Variants in CACNG5 observed in about 807,000 individuals in gnomAD.
CACNG5 encodes the protein calcium voltage-gated channel auxiliary subunit gamma 5.
Under a neutral mutation model 24.8 loss-of-function variants are expected in CACNG5, and 18 were observed. The ratio of observed to expected loss-of-function variants is 0.73; its 90% CI spans 0.50 to 1.08. CACNG5 has a LOEUF of 1.08. CACNG5 is among the 50% of genes least tolerant of loss of function. The pLI is 0.00. For missense variants in CACNG5, 349 were observed against 367.9 expected, an observed-to-expected ratio of 0.95 and a Z score of 0.42; for synonymous variants, 157 against 149.1, an observed-to-expected ratio of 1.05 and a Z score of -0.39.
At chr17:66,872,005 G>A (rs531647261) in intron 1 of CACNG5, among the ~76,000 whole-genome samples, 2 of 152,318 alleles carry the variant, frequency 1.3e-5, no homozygotes, top group South Asian at 4.1e-4. Flanking sequence ...GAGAGTGATT[G>A]GAGAATAGAT....
intron 1 of CACNG5, among the ~76,000 whole-genome samples, chr17:66,867,336 A>G (rs1976943640): frequency 6.6e-6 from 1 of 151,904 alleles, no homozygotes; most frequent in Admixed American, 6.6e-5. Context: ...TTTCTTGTAA[A>G]TTTGTTTAAG....
chr17:66,878,916 C>A (rs1054121464), intron 2 of CACNG5, 56 bp from the exon 3 acceptor site: 8 of 1,396,538 alleles, frequency 5.7e-6, no homozygotes, highest in African/African-American at 4.3e-5. Flanking sequence ...TTTGTATGGA[C>A]CAACTTCAAA....
intron 1 of CACNG5, among the ~76,000 whole-genome samples, chr17:66,847,397 G>A (rs1291037332): frequency 3.3e-5 from 5 of 152,198 alleles, no homozygotes; most frequent in Admixed American, 2.6e-4. Context: ...TAGCTGGGGA[G>A]CCCTCACAAT....
Position 66,840,690 on chromosome 17 carries a change from C to A in CACNG5, c.-104+5440C>A, listed in dbSNP as rs1432929157. Among the ~76,000 whole-genome samples, 16 of 152,322 alleles carry A rather than the reference C, an allele frequency of 1.1e-4. No individual in the cohort carries two copies. The East Asian group carries it at 2.9e-3, about 28-fold the overall frequency. ...AAGCAGCTGCTGGTATCCACAGACA[C>A]CTCCCCAATAACTCTCACTGTCAAA... On this transcript the variant is annotated intron_variant, in intron 1 of 5. Coordinates refer to ENST00000533854, the MANE Select transcript of CACNG5 (RefSeq NM_145811.3).
chr17:66,869,866 G>C (rs1442779416), intron 1 of CACNG5, among the ~76,000 whole-genome samples: 1 of 152,034 alleles, frequency 6.6e-6, no homozygotes, highest in Non-Finnish European at 1.5e-5. Flanking sequence ...GGTGGATCAC[G>C]AGGTCAAGAG....
rs1397033228 is a variant in CACNG5 at position 66,878,951 on chromosome 17, ATG to A, written c.197-18_197-17del. The A allele has an allele frequency of 6.3e-7, 1 of 1,592,192 alleles. No individual in the cohort carries two copies. Among genetic ancestry groups the A allele is most frequent in the East Asian group, 2.2e-5 (1 of 44,654 alleles). ...ATCCATGTTCAAGAGGGACCTGGAAATGTGATTCTTGTCTCCACAGGTGAGGA... is the reference window on the plus strand; with the variant it reads ...ATCCATGTTCAAGAGGGACCTGGAAATGATTCTTGTCTCCACAGGTGAGGA... On this transcript the variant is annotated intron_variant, in intron 2 of 5. Transcript: ENST00000533854.
chr17:66,879,119 G>A (rs781760573), intron 3 of CACNG5, 61 bp downstream of exon 3: 124 of 1,240,158 alleles, frequency 1.0e-4, no homozygotes, highest in Non-Finnish European at 1.4e-4. Flanking sequence ...CAAGGCAGAG[G>A]GAAGAGTCAG....
Position 66,877,340 on chromosome 17 carries a change from C to G in CACNG5, c.8C>G (p.Ala3Gly). The change falls in exon 2 of 6, where the codon GCC (alanine) becomes GGC (glycine). Residue 3 changes from alanine (A) to glycine (G), a missense_variant. By Grantham distance (60) the Ala-to-Gly change is moderately conservative. Transcript: ENST00000533854. ...CAGCAACGGTCCAGGAAGATGAGTGCCTGCGGGAGGAAGGCCCTGACCCTG... is the reference window on the plus strand; with the variant it reads ...CAGCAACGGTCCAGGAAGATGAGTGGCTGCGGGAGGAAGGCCCTGACCCTG... MS[A>G]CGRKALTLLS... The G allele has an allele frequency of 1.2e-6, 2 of 1,613,534 alleles. No individual in the cohort carries two copies. Among genetic ancestry groups the G allele is most frequent in the South Asian group, 1.1e-5 (1 of 91,044 alleles).
chr17:66,854,742 C>T (rs887508170), intron 1 of CACNG5, among the ~76,000 whole-genome samples: 1 of 151,894 alleles, frequency 6.6e-6, no homozygotes, highest in Non-Finnish European at 1.5e-5. Context: ...CTGTGCAGAA[C>T]GTTTCAGCAC....
At chr17:66,877,173 A>T (rs746167249) in intron 1 of CACNG5, 57 bp from the exon 2 acceptor site, 1 of 614,316 alleles carries the variant, frequency 1.6e-6, no homozygotes, top group Non-Finnish European at 2.8e-6. Flanking sequence ...TTACCCATCC[A>T]TTGAGCCAGG....
chr17:66,854,900 C>T (rs1976753308), intron 1 of CACNG5, among the ~76,000 whole-genome samples: 1 of 151,986 alleles, frequency 6.6e-6, no homozygotes, highest in South Asian at 2.1e-4. Context: ...AATAGCCAAA[C>T]ATAAAAAGAT....
Position 66,888,543 on chromosome 17 carries a change from C to CAAAAAA in CACNG5, c.*3321_*3326dup, listed in dbSNP as rs770809783. ...TGGGTGACAGAGCGAGACTCCGTCT[C>CAAAAAA]AAAAAAAAAAAAAAAAAAAAAAAGA... is the stretch of plus-strand genomic sequence containing the variant. On this transcript the variant is annotated 3_prime_UTR_variant, in exon 6 of 6. Transcript: ENST00000533854. 1.6e-4 allele frequency among the ~76,000 whole-genome samples: 10 copies of CAAAAAA among 62,612 alleles called. No individual in the cohort carries two copies. The highest frequency in any genetic ancestry group is 1.9e-4 in the Non-Finnish European group (6 of 32,108). 41.1% of individuals were successfully genotyped at this position (62,612 alleles called of 152,430 possible). A position where few individuals can be genotyped will look rare whatever the true frequency, so the allele number is the denominator to read the frequency against.
At position 66,885,087 on chromosome 17, in the gene CACNG5, C is replaced by T. The variant is rs780792006; in HGVS notation, c.675C>T (p.Ser225=). 27 of 1,614,042 alleles carry T rather than the reference C, an allele frequency of 1.7e-5. No homozygotes were observed. Among genetic ancestry groups the T allele is most frequent in the Middle Eastern group, 1.6e-4 (1 of 6,084 alleles). ...GFYRPRLSNC[S]DYSGQFLHPD... is the part of the protein sequence containing the mutation. The stretch of plus-strand genomic sequence containing the variant: ...ACCGCCCTCGGCTGAGCAACTGCTC[C>T]GATTACTCAGGCCAGTTCCTACACC... Residue 225 remains serine, a synonymous_variant, in exon 6 of 6, where the codon TCC becomes TCT. Coordinates refer to ENST00000533854, the MANE Select transcript of CACNG5 (RefSeq NM_145811.3).
rs539828138 is a variant in CACNG5, at chr17:66,862,690, A to T, written c.-103-14540A>T. 2.5e-5 allele frequency among the ~76,000 whole-genome samples: 3 copies of T among 122,052 alleles called. No individual in the cohort carries two copies. The East Asian group carries it at 8.5e-4, about 35-fold the overall frequency. 80.1% of individuals were successfully genotyped at this position (122,052 alleles called of 152,430 possible). A position where few individuals can be genotyped will look rare whatever the true frequency, so the allele number is the denominator to read the frequency against. On this transcript the variant is annotated intron_variant, in intron 1 of 5. Transcript: ENST00000533854. ...CCTCCCCAGCATTGGTCATTGAAGCAGCAGAGATATGCTTCCACATGCATC... is the reference window on the plus strand; with the variant it reads ...CCTCCCCAGCATTGGTCATTGAAGCTGCAGAGATATGCTTCCACATGCATC...
intron 1 of CACNG5, among the ~76,000 whole-genome samples, chr17:66,837,444 G>A (rs1403758909): frequency 6.6e-6 from 1 of 152,232 alleles, no homozygotes; most frequent in Non-Finnish European, 1.5e-5. Context: ...ACCCCACACA[G>A]CCTTCTGGCT....
rs1598067289 is a variant in CACNG5 at position 66,887,377 on chromosome 17, A to G, written c.*2137A>G. Among the ~76,000 whole-genome samples the G allele has an allele frequency of 3.5e-5, 5 of 144,848 alleles. No homozygotes were observed. The South Asian group carries it at 1.1e-3, about 31-fold the overall frequency. The stretch of plus-strand genomic sequence containing the variant: ...TGTTGCTTTTGTATGTGACTTTTCA[A>G]TCCTTGCCTATAAACTGATAGCAAC... On this transcript the variant is annotated 3_prime_UTR_variant, in exon 6 of 6. Coordinates refer to ENST00000533854, the MANE Select transcript of CACNG5 (RefSeq NM_145811.3).
At position 66,894,130 on chromosome 17, in the gene CACNG5, C is replaced by T. The variant is rs1249354463; in HGVS notation, c.*8890C>T. 1.3e-5 allele frequency among the ~76,000 whole-genome samples: 2 copies of T among 152,154 alleles called. No homozygotes were observed. The highest frequency in any genetic ancestry group is 4.8e-5 in the African/African-American group (2 of 41,428). The stretch of plus-strand genomic sequence containing the variant: ...CTCTCAGGCCCTGCCAAGGACTCTG[C>T]TCACTGCTGCTCTAGGAACCCATCA... On this transcript the variant is annotated 3_prime_UTR_variant, in exon 6 of 6. Transcript: ENST00000533854.
intron 4 of CACNG5, among the ~76,000 whole-genome samples, chr17:66,881,585 G>C (rs1432022886): frequency 1.3e-5 from 2 of 152,018 alleles, no homozygotes; most frequent in African/African-American, 4.8e-5. Context: ...CCTTATTCTG[G>C]CTGCTGGCAT....
At position 66,886,710 on chromosome 17, in the gene CACNG5, C is replaced by T. The variant is rs180984017; in HGVS notation, c.*1470C>T. ...TCCAGAAAGCTGCACGTCTGGTGTGCGCAGCCTTGGAGAGGCGGTGTGTCA... is the reference window on the plus strand; with the variant it reads ...TCCAGAAAGCTGCACGTCTGGTGTGTGCAGCCTTGGAGAGGCGGTGTGTCA... On this transcript the variant is annotated 3_prime_UTR_variant, in exon 6 of 6. Transcript: ENST00000533854. Among the ~76,000 whole-genome samples the T allele has an allele frequency of 3.9e-5, 6 of 152,354 alleles. No homozygotes were observed. Among genetic ancestry groups the T allele is most frequent in the African/African-American group, 9.6e-5 (4 of 41,580 alleles).
Sources: gnomAD v4.1 joint callset for allele counts (sites outside exome capture counted in the v4.1 genomes callset) on GRCh38, gnomAD v4.1.1 for gene constraint, MANE v1.5 for transcripts, NCBI Gene and HGNC (gene_info 2026-07-23, HGNC 2026-07-21) for gene names.